The following SBF2 variants were observed in gnomAD, a reference collection of about 807,000 sequenced individuals.
SBF2 encodes the protein SET binding factor 2.
SBF2 carries 112 observed loss-of-function variants against 225.2 expected under a neutral mutation model. That is an observed-to-expected ratio of 0.50 (90% CI 0.43 to 0.58). The LOEUF is 0.58. Among genes scored for constraint, SBF2 ranks in the 20% least tolerant of loss-of-function variants. The pLI is 0.00. For synonymous variants in SBF2, 763 were observed against 773.3 expected, an observed-to-expected ratio of 0.99 and a Z score of 0.22; for missense variants, 1,996 against 2,206.2, an observed-to-expected ratio of 0.90 and a Z score of 1.91.
intron 6 of SBF2, among the ~76,000 whole-genome samples, chr11:10,018,992 T>A (rs1948747495): frequency 6.6e-6 from 1 of 152,172 alleles, no homozygotes; most frequent in Non-Finnish European, 1.5e-5. Flanking sequence ...TTCTAGCAAG[T>A]AAGAGTTTGC....
intron 6 of SBF2, among the ~76,000 whole-genome samples, chr11:10,017,680 A>G (rs1565137917): frequency 6.6e-6 from 1 of 152,184 alleles, no homozygotes; most frequent in Non-Finnish European, 1.5e-5. Context: ...ATCTGAAAGG[A>G]GGTGTAGTTT....
chr11:10,131,927 C>A (rs187670126), intron 2 of SBF2, among the ~76,000 whole-genome samples: 2 of 152,242 alleles, frequency 1.3e-5, no homozygotes, highest in Admixed American at 1.3e-4. Flanking sequence ...GAACTCTTCA[C>A]CAAGTTTTAG....
chr11:10,274,106 T>C (rs564147128), intron 1 of SBF2, among the ~76,000 whole-genome samples: 1 of 152,376 alleles, frequency 6.6e-6, no homozygotes, highest in Admixed American at 6.5e-5. Context: ...AATAAAAGTA[T>C]GAATGATTTG....
chr11:9,834,123 G>A (rs61876907), intron 26 of SBF2, among the ~76,000 whole-genome samples: 32,804 of 148,180 alleles, frequency 0.22, 4,414 homozygotes, highest in Non-Finnish European at 0.29. Context: ...ACACAGTTTC[G>A]CTCTTGTTGC....
At chr11:10,291,225 G>A (rs1964138250) in intron 1 of SBF2, among the ~76,000 whole-genome samples, 1 of 152,156 alleles carries the variant, frequency 6.6e-6, no homozygotes, top group African/African-American at 2.4e-5. Flanking sequence ...GAGGCCTTTA[G>A]GAAGTGATCA....
intron 16 of SBF2, among the ~76,000 whole-genome samples, chr11:9,898,621 A>T (rs946011088): frequency 6.6e-6 from 1 of 152,136 alleles, no homozygotes; most frequent in Non-Finnish European, 1.5e-5. Flanking sequence ...CAGTGAACTC[A>T]GATGGTGCCA....
chr11:9,981,322 G>A (rs1271337698), intron 13 of SBF2, among the ~76,000 whole-genome samples: 1 of 152,212 alleles, frequency 6.6e-6, no homozygotes, highest in Non-Finnish European at 1.5e-5. Flanking sequence ...AAGGAGTAGG[G>A]AAAGGGGTGA....
chr11:10,014,876 T>G (rs542831432), intron 6 of SBF2, among the ~76,000 whole-genome samples: 8 of 152,268 alleles, frequency 5.3e-5, no homozygotes, highest in African/African-American at 1.4e-4. Context: ...ATGCCTGTAA[T>G]CCCAGCACTT....
intron 2 of SBF2, among the ~76,000 whole-genome samples, chr11:10,062,396 A>C (rs1950483015): frequency 6.6e-6 from 1 of 152,218 alleles, no homozygotes; most frequent in Non-Finnish European, 1.5e-5. Flanking sequence ...CAACAGAGTA[A>C]AGAGAAGCCT....
chr11:10,281,733 C>G (rs1302102599), intron 1 of SBF2, among the ~76,000 whole-genome samples: 1 of 149,896 alleles, frequency 6.7e-6, no homozygotes, highest in Non-Finnish European at 1.5e-5. Flanking sequence ...GTCTTTGTAC[C>G]CAGTCCCTAC....
At chr11:9,910,809 G>A (rs180681632) in intron 16 of SBF2, among the ~76,000 whole-genome samples, 1 of 151,142 alleles carries the variant, frequency 6.6e-6, no homozygotes, top group East Asian at 1.9e-4. Context: ...AGCACCATGG[G>A]AGGCCAAAGC....
chr11:10,293,900 G>C (rs1243070937), intron 1 of SBF2, 115 bp downstream of exon 1: 3 of 757,442 alleles, frequency 4.0e-6, no homozygotes, highest in African/African-American at 3.7e-5. Context: ...CCGCTCCTCC[G>C]AGACTCGGCC....
At chr11:10,225,205 C>G (rs1441394399) in intron 1 of SBF2, among the ~76,000 whole-genome samples, 1 of 151,862 alleles carries the variant, frequency 6.6e-6, no homozygotes, top group Admixed American at 6.6e-5. Context: ...AGAAACTCAA[C>G]AAATCACTGG....
chr11:10,125,337 C>G (rs11042638), intron 2 of SBF2, among the ~76,000 whole-genome samples: 70,315 of 151,606 alleles, frequency 0.46, 16,665 homozygotes, highest in Admixed American at 0.56. Context: ...CCCTTTTTTG[C>G]TATCTTCATT....
intron 1 of SBF2, among the ~76,000 whole-genome samples, chr11:10,261,546 T>C (rs1341013192): frequency 6.6e-6 from 1 of 152,146 alleles, no homozygotes; most frequent in Non-Finnish European, 1.5e-5. Flanking sequence ...TAAGATGGTA[T>C]ACCACTTTGG....
At chr11:9,994,035 A>G (rs570367737) in intron 9 of SBF2, 37 bp from the exon 10 acceptor site, 1 of 1,147,480 alleles carries the variant, frequency 8.7e-7, no homozygotes. Context: ...AAATATCATA[A>G]TATCAATGAA....
chr11:9,931,384 C>T (rs916102463), intron 16 of SBF2, among the ~76,000 whole-genome samples: 13 of 152,196 alleles, frequency 8.5e-5, no homozygotes, highest in Non-Finnish European at 1.8e-4. Context: ...TAGATGGGTG[C>T]CCCTCTGGGA....
intron 2 of SBF2, among the ~76,000 whole-genome samples, chr11:10,191,992 T>C (rs867349420): frequency 1.3e-5 from 2 of 152,150 alleles, no homozygotes; most frequent in African/African-American, 2.4e-5. Context: ...TACTGTTAAA[T>C]TGGTATAGTT....
chr11:9,830,318 A>G (rs1855310853), intron 27 of SBF2, among the ~76,000 whole-genome samples: 1 of 152,248 alleles, frequency 6.6e-6, no homozygotes, highest in Non-Finnish European at 1.5e-5. Context: ...TATGTCATCA[A>G]TTCTAAGACG....
Sources: gnomAD v4.1 joint callset for allele counts (sites outside exome capture counted in the v4.1 genomes callset) on GRCh38, gnomAD v4.1.1 for gene constraint, MANE v1.5 for transcripts, NCBI Gene and HGNC (gene_info 2026-07-23, HGNC 2026-07-21) for gene names.